The following CEP290 variants were observed in gnomAD, a reference collection of about 807,000 sequenced individuals.
The protein encoded by CEP290 is centrosomal protein 290.
CEP290 carries 317 observed loss-of-function variants against 344.9 expected under a neutral mutation model. That is an observed-to-expected ratio of 0.92 (90% confidence interval 0.84 to 1.01). The LOEUF (loss-of-function observed/expected upper bound fraction) is 1.01. CEP290 is among the 50% of genes least tolerant of loss of function. The pLI is 0.00. For missense variants in CEP290, 2,754 were observed against 2,761.4 expected (o/e 1.00, Z 0.06); for synonymous variants, 932 against 895.8 (o/e 1.04, Z -0.72).
At position 88,139,541 on chromosome 12, in the gene CEP290, C is replaced by A; in HGVS notation, c.204G>T (p.Leu68=). 1 of 1,590,888 alleles carries A rather than the reference C, an allele frequency of 6.3e-7. No individual in the cohort carries two copies. The highest frequency in any genetic ancestry group is 8.6e-7 in the Non-Finnish European group (1 of 1,169,538). ...LMKMKAQEVE[L]ALEEVEKAGE... is the part of the protein sequence containing the mutation. The stretch of plus-strand genomic sequence containing the variant: ...CAGCTTTTTCTACTTCTTCCAAAGC[C>A]AGCTCCACTTCTTGAGCTTTCATCT... The change falls in exon 4 of 54, where the codon CTG becomes CTT. Residue 68 remains leucine (L), a synonymous_variant. Coordinates refer to ENST00000552810, the MANE Select transcript of CEP290 (RefSeq NM_025114.4).
rs2033219800 is a variant in CEP290, at chr12:88,049,166, A to G, written c.*18T>C. The G allele has an allele frequency of 2.8e-6, 4 of 1,434,512 alleles. No individual in the cohort carries two copies. Among genetic ancestry groups the G allele is most frequent in the Admixed American group, 2.1e-5 (1 of 46,994 alleles). 88.9% of individuals were successfully genotyped at this position (1,434,512 alleles called of 1,614,324 possible). A position where few individuals can be genotyped will look rare whatever the true frequency, so the allele number is the denominator to read the frequency against. On this transcript the variant is annotated 3_prime_UTR_variant, in exon 54 of 54. Transcript: ENST00000552810. ...AAGTTAATAAATAGTTAAATGAAAC[A>G]AAGTTTATAGGTGACCTTTAGTAAA...
At chr12:88,084,882 A>T in intron 34 of CEP290, 30 bp from the exon 35 acceptor site, 1 of 1,429,912 alleles carries the variant, frequency 7.0e-7, no homozygotes, top group Non-Finnish European at 9.3e-7. Flanking sequence ...ATAAATCATT[A>T]AAGTATCTTT....
chr12:88,089,955 G>C (rs143297142), intron 30 of CEP290, among the ~76,000 whole-genome samples: 7,518 of 152,118 alleles, frequency 0.049, 633 homozygotes, highest in African/African-American at 0.17. Flanking sequence ...TCGAACTCCT[G>C]ACCTCGTGAT....
chr12:88,125,423 G>A, intron 12 of CEP290, 54 bp from the exon 13 acceptor site: 1 of 970,034 alleles, frequency 1.0e-6, no homozygotes. Flanking sequence ...AACCTAAAAA[G>A]GTAAGGAAAA....
At position 88,053,962 on chromosome 12, in the gene CEP290, A is replaced by G. The variant is rs79243758; in HGVS notation, c.7035-216T>C. Among the ~76,000 whole-genome samples the G allele has an allele frequency of 3.3e-4, 50 of 152,250 alleles. No individual in the cohort carries two copies. The East Asian group carries it at 9.5e-3, about 29-fold the overall frequency. ...TTTTCTTAATATCTGACCTGATGGC[A>G]TTTGCAAGTGTGGTTTCGTTATAAG... On this transcript the variant is annotated intron_variant, in intron 51 of 53. Transcript: ENST00000552810.
Position 88,049,386 on chromosome 12 carries a change from AG to A in CEP290, c.7237del (p.Leu2413TrpfsTer23). 1 of 1,534,278 alleles carries A rather than the reference AG, an allele frequency of 6.5e-7. No homozygotes were observed. Among genetic ancestry groups the A allele is most frequent in the South Asian group, 1.2e-5 (1 of 83,140 alleles). ...AAAAAATGAAGGATCAAAATTTTCC[AG>A]TTCTTTTTTCAGCTTCTTTATTTCC... is the stretch of plus-strand genomic sequence containing the variant. ...KEEIKKLKKE[L>X]ENFDPSFFEE... On this transcript the variant is annotated frameshift_variant, in exon 54 of 54. Transcript: ENST00000552810. LOFTEE classifies it high-confidence loss of function.
intron 39 of CEP290, 147 bp from the exon 40 acceptor site, chr12:88,078,065 C>A (rs186528552): frequency 8.6e-5 from 29 of 336,026 alleles, no homozygotes; most frequent in Non-Finnish European, 1.2e-4. Context: ...CCACAAACTA[C>A]ATATATTTTT....
At chr12:88,100,754 T>G (rs367568249) in intron 26 of CEP290, among the ~76,000 whole-genome samples, 1 of 151,966 alleles carries the variant, frequency 6.6e-6, no homozygotes, top group Non-Finnish European at 1.5e-5. Context: ...TTTGTTCCAT[T>G]AAAAAAAGTA....
At chr12:88,074,152 G>A (rs577096949) in intron 41 of CEP290, among the ~76,000 whole-genome samples, 1 of 152,162 alleles carries the variant, frequency 6.6e-6, no homozygotes, top group African/African-American at 2.4e-5. Flanking sequence ...TTGAACCCAG[G>A]AGGCGGAGGT....
At chr12:88,073,014 G>A (rs995687540) in intron 41 of CEP290, among the ~76,000 whole-genome samples, 11 of 152,234 alleles carry the variant, frequency 7.2e-5, no homozygotes, top group African/African-American at 2.6e-4. Flanking sequence ...CTATGATAAA[G>A]GAGCCAAAGA....
intron 32 of CEP290, among the ~76,000 whole-genome samples, chr12:88,087,198 CCAG>C (rs2036646848): frequency 6.6e-6 from 1 of 152,040 alleles, no homozygotes; most frequent in Non-Finnish European, 1.5e-5. Flanking sequence ...TCAGTGAGAG[CCAG>C]TAGAAACGTG....
In CEP290 at chr12:88,060,682, C is replaced by T. The variant is rs981613461; in HGVS notation, c.6522+148G>A. 19 of 573,116 alleles carry T rather than the reference C, an allele frequency of 3.3e-5. 1 individual carries two copies. Among genetic ancestry groups the T allele is most frequent in the African/African-American group, 1.4e-4 (7 of 51,246 alleles). The allele number at this position is 573,116 out of a possible 1,614,324, so 35.5% of individuals were successfully genotyped here. On this transcript the variant is annotated intron_variant, in intron 47 of 53. Transcript: ENST00000552810. ...ACCTACTCTATAACCCTTAGCCTTG[C>T]CTCTCATAAGTTTTTTTCTATATTT...
At chr12:88,085,843 TTAAA>T (rs1259110370) in intron 34 of CEP290, among the ~76,000 whole-genome samples, 192 bp downstream of exon 34, 1 of 152,178 alleles carries the variant, frequency 6.6e-6, no homozygotes, top group Non-Finnish European at 1.5e-5. Context: ...CAACTAATAA[TTAAA>T]TAGTGAATTC....
intron 5 of CEP290, among the ~76,000 whole-genome samples, chr12:88,137,104 C>A (rs2040393258): frequency 6.6e-6 from 1 of 152,074 alleles, no homozygotes; most frequent in Non-Finnish European, 1.5e-5. Flanking sequence ...GGATCTGGAA[C>A]CTGAGTACAA....
intron 25 of CEP290, chr12:88,103,673 A>G (rs546226586): frequency 6.7e-4 from 102 of 152,266 alleles, no homozygotes; most frequent in African/African-American, 2.3e-3. Flanking sequence ...ATTACATAGA[A>G]AAGTACAATA....
intron 49 of CEP290, among the ~76,000 whole-genome samples, chr12:88,056,925 C>A (rs1056616961): frequency 6.6e-6 from 1 of 151,994 alleles, no homozygotes; most frequent in East Asian, 1.9e-4. Flanking sequence ...AATTTGAGGT[C>A]AAGGATCAAA....
At chr12:88,127,166 CA>C (rs1159188623) in intron 11 of CEP290, among the ~76,000 whole-genome samples, 4 of 9,530 alleles carry the variant, frequency 4.2e-4, no homozygotes, top group Non-Finnish European at 2.1e-3. Flanking sequence ...ATACTCCTTA[CA>C]TCAAAATGAA....
chr12:88,120,380 T>G (rs962103176), intron 14 of CEP290, 104 bp from the exon 15 acceptor site: 5 of 523,192 alleles, frequency 9.6e-6, no homozygotes, highest in Non-Finnish European at 1.6e-5. Flanking sequence ...AATGTACATA[T>G]GCCTATAATT....
chr12:88,112,339 C>T (rs2038748562), intron 20 of CEP290, among the ~76,000 whole-genome samples: 1 of 152,038 alleles, frequency 6.6e-6, no homozygotes, highest in South Asian at 2.1e-4. Flanking sequence ...GAATGGAATA[C>T]AATATTGAAC....
Sources: allele counts gnomAD v4.1 joint callset (sites outside exome capture counted in the v4.1 genomes callset), GRCh38; gene constraint gnomAD v4.1.1; transcripts MANE v1.5; gene names NCBI Gene and HGNC (gene_info 2026-07-23, HGNC 2026-07-21).